The following CNPY4 variants were observed in gnomAD, a reference collection of about 807,000 sequenced individuals.
CNPY4 encodes the protein canopy FGF signaling regulator 4.
CNPY4 carries 33 observed loss-of-function variants against 30.1 expected under a neutral mutation model. That is an observed-to-expected ratio of 1.10 (90% CI 0.83 to 1.46). The LOEUF (loss-of-function observed/expected upper bound fraction) is 1.46. CNPY4 is among the 40% of genes most tolerant of loss of function. The pLI is 0.00. For synonymous variants in CNPY4, 109 were observed against 110.1 expected (o/e 0.99, Z 0.06); for missense variants, 324 against 302.6 (o/e 1.07, Z -0.52).
At chr7:100,120,702 C>A (rs889975302) in intron 1 of CNPY4, among the ~76,000 whole-genome samples, 9 of 152,110 alleles carry the variant, frequency 5.9e-5, no homozygotes, top group Admixed American at 5.9e-4. Context: ...TTGTATCAGT[C>A]CTTGCTTTAA....
Position 100,119,686 on chromosome 7 carries a change from C to G in CNPY4, c.-59C>G, listed in dbSNP as rs1473969713. The G allele has an allele frequency of 7.4e-6, 12 of 1,613,348 alleles. No individual in the cohort carries two copies. Among genetic ancestry groups the G allele is most frequent in the Non-Finnish European group, 1.0e-5 (12 of 1,179,752 alleles). Reference sequence around the variant, plus strand: ...CTAGCCGCCTGGGAATTTAAGGGACCCACACTACCTTCCCGAAGTTGAAGG... The same window carrying G: ...CTAGCCGCCTGGGAATTTAAGGGACGCACACTACCTTCCCGAAGTTGAAGG... On this transcript the variant is annotated 5_prime_UTR_variant, in exon 1 of 6. Coordinates refer to ENST00000262932, the MANE Select transcript of CNPY4 (RefSeq NM_152755.2).
intron 1 of CNPY4, among the ~76,000 whole-genome samples, chr7:100,121,655 G>A (rs1320441203): frequency 1.3e-5 from 2 of 151,104 alleles, no homozygotes; most frequent in African/African-American, 2.4e-5. Flanking sequence ...ATGTGGGCCA[G>A]GCTGGTCTTG....
rs1282114989 is a variant in CNPY4 at position 100,125,067 on chromosome 7, G to C, written c.*179G>C. 1.4e-5 allele frequency: 9 copies of C among 661,178 alleles called. No homozygotes were observed. The African/African-American group carries it at 1.6e-4, about 12-fold the overall frequency. The allele number at this position is 661,178 out of a possible 1,614,324, so 41.0% of individuals were successfully genotyped here. A position where few individuals can be genotyped will look rare whatever the true frequency, so the allele number is the denominator to read the frequency against. On this transcript the variant is annotated 3_prime_UTR_variant, in exon 6 of 6. Coordinates refer to ENST00000262932, the MANE Select transcript of CNPY4 (RefSeq NM_152755.2). ...GTGAAACAGCATGACATGGCTTCTG[G>C]GGTGGAGGGTGGGGGTGGAGGTCCT... is the stretch of plus-strand genomic sequence containing the variant.
At position 100,125,438 on chromosome 7, in the gene CNPY4, G is replaced by A. The variant is rs1195951045; in HGVS notation, c.*550G>A. The A allele has an allele frequency of 6.5e-6, 1 of 152,952 alleles. No individual in the cohort carries two copies. Among genetic ancestry groups the A allele is most frequent in the Admixed American group, 6.5e-5 (1 of 15,362 alleles). 9.5% of individuals were successfully genotyped at this position (152,952 alleles called of 1,614,324 possible). On this transcript the variant is annotated 3_prime_UTR_variant, in exon 6 of 6. Coordinates refer to ENST00000262932, the MANE Select transcript of CNPY4 (RefSeq NM_152755.2). ...CTACTTAAGCTCAATGTAACCCAGA[G>A]CCCACCATATAGTTTTATAGGTGCT...
At position 100,125,058 on chromosome 7, in the gene CNPY4, T is replaced by G. The variant is rs1479765641; in HGVS notation, c.*170T>G. On this transcript the variant is annotated 3_prime_UTR_variant, in exon 6 of 6. Transcript: ENST00000262932. ...AAGATCCTGGTGAAACAGCATGACA[T>G]GGCTTCTGGGGTGGAGGGTGGGGGT... 1.4e-5 allele frequency: 10 copies of G among 697,792 alleles called. No individual in the cohort carries two copies. Among genetic ancestry groups the G allele is most frequent in the African/African-American group, 5.4e-5 (3 of 55,688 alleles). 43.2% of individuals were successfully genotyped at this position (697,792 alleles called of 1,614,324 possible).
chr7:100,120,668 T>C (rs1396142725), intron 1 of CNPY4, among the ~76,000 whole-genome samples: 1 of 152,218 alleles, frequency 6.6e-6, no homozygotes, highest in Non-Finnish European at 1.5e-5. Flanking sequence ...CTGTCAATCT[T>C]TTTAAACAGA....
At chr7:100,122,077 C>A in intron 1 of CNPY4, 182 bp from the exon 2 acceptor site, 1 of 542,548 alleles carries the variant, frequency 1.8e-6, no homozygotes, top group Non-Finnish European at 3.1e-6. Context: ...GATGAAGAAA[C>A]CGAGGCACAG....
intron 1 of CNPY4, among the ~76,000 whole-genome samples, chr7:100,120,600 T>C (rs1205224385): frequency 6.6e-6 from 1 of 152,234 alleles, no homozygotes; most frequent in African/African-American, 2.4e-5. Flanking sequence ...GACAGTCTCA[T>C]GACTTGGTCC....
intron 1 of CNPY4, chr7:100,121,110 A>ATTTTTTTTTTTTTTTTTTTT (rs1798036782): frequency 7.0e-5 from 2 of 28,398 alleles, no homozygotes; most frequent in African/African-American, 1.4e-4. Flanking sequence ...ATATATATAT[A>ATTTTTTTTTTTTTTTTTTTT]TATATATTTT....
At position 100,122,727 on chromosome 7, in the gene CNPY4, G is replaced by T. The variant is rs1350543875; in HGVS notation, c.343-57G>T. On this transcript the variant is annotated intron_variant, in intron 3 of 5. Transcript: ENST00000262932. ...GTTGACAAAACTGAAATGGCAGAAAGGGGAAGGGAGGGGTGGGGTGGTGAG... is the reference window on the plus strand; with the variant it reads ...GTTGACAAAACTGAAATGGCAGAAATGGGAAGGGAGGGGTGGGGTGGTGAG... 1.0e-5 allele frequency: 16 copies of T among 1,577,658 alleles called. No individual in the cohort carries two copies. The East Asian group carries it at 3.6e-4, about 35-fold the overall frequency.
At chr7:100,123,954 C>T (rs1187144724) in intron 4 of CNPY4, among the ~76,000 whole-genome samples, 1 of 152,048 alleles carries the variant, frequency 6.6e-6, no homozygotes, top group Non-Finnish European at 1.5e-5. Flanking sequence ...CATAGTGAAA[C>T]CCTGTCTCTA....
intron 4 of CNPY4, 56 bp from the exon 5 acceptor site, chr7:100,124,458 G>A: frequency 2.9e-6 from 4 of 1,383,248 alleles, no homozygotes; most frequent in Non-Finnish European, 4.1e-6. Context: ...GAGAAGACAG[G>A]CGGGATCCCA....
intron 1 of CNPY4, chr7:100,121,404 T>G (rs1798065966): frequency 6.6e-6 from 1 of 151,626 alleles, no homozygotes; most frequent in East Asian, 1.9e-4. Flanking sequence ...CCCAAAGTGT[T>G]GGGATTACAG....
chr7:100,121,830 C>G (rs1014180935), intron 1 of CNPY4, among the ~76,000 whole-genome samples: 1 of 151,224 alleles, frequency 6.6e-6, no homozygotes, highest in African/African-American at 2.4e-5. Flanking sequence ...GCGGGCGGAT[C>G]ACAAGGTCAG....
chr7:100,121,927 G>C (rs1798085020), intron 1 of CNPY4: 1 of 235,426 alleles, frequency 4.2e-6, no homozygotes, highest in Non-Finnish European at 8.5e-6. Context: ...GTGGGTGCCT[G>C]TAGTCCCAGC....
At position 100,122,476 on chromosome 7, in the gene CNPY4, CACAG is replaced by C. The variant is rs777658620; in HGVS notation, c.246-3_246del. On this transcript the variant is annotated splice_acceptor_variant and splice_polypyrimidine_tract_variant and intron_variant, in intron 2 of 5. Coordinates refer to ENST00000262932, the MANE Select transcript of CNPY4 (RefSeq NM_152755.2). LOFTEE classifies it high-confidence loss of function. ...AGGGAATCTTTGTTTCCTCTCTTTCCACAGAGAGACAAGGCTGGAAGAGGCCTTA... is the reference window on the plus strand; with the variant it reads ...AGGGAATCTTTGTTTCCTCTCTTTCCAGAGACAAGGCTGGAAGAGGCCTTA... 1 of 1,613,834 alleles carries C rather than the reference CACAG, an allele frequency of 6.2e-7. No individual in the cohort carries two copies. Among genetic ancestry groups the C allele is most frequent in the East Asian group, 2.2e-5 (1 of 44,880 alleles).
Position 100,119,853 on chromosome 7 carries a change from A to G in CNPY4, c.109A>G (p.Lys37Glu), listed in dbSNP as rs769762903. Residue 37 changes from lysine (K) to glutamate (E), a missense_variant, in exon 1 of 6, where the codon AAA (lysine) becomes GAA (glutamate). Coordinates refer to ENST00000262932, the MANE Select transcript of CNPY4 (RefSeq NM_152755.2). ...EDDDTERLPS[K>E]CEVCKLLSTE... is the part of the protein sequence containing the mutation. Reference sequence around the variant, plus strand: ...CGATGACACAGAACGCTTGCCCAGCAAATGCGAAGGTATTTGAAGGGGGTA... The same window carrying G: ...CGATGACACAGAACGCTTGCCCAGCGAATGCGAAGGTATTTGAAGGGGGTA... 29 of 1,611,898 alleles carry G rather than the reference A, an allele frequency of 1.8e-5. No individual in the cohort carries two copies. The highest frequency in any genetic ancestry group is 3.4e-5 in the Admixed American group (2 of 59,118).
Position 100,122,539 on chromosome 7 carries a change from G to A in CNPY4, c.304G>A (p.Val102Ile), listed in dbSNP as rs911800773. 2.5e-6 allele frequency: 4 copies of A among 1,613,670 alleles called. No individual in the cohort carries two copies. Among genetic ancestry groups the A allele is most frequent in the South Asian group, 2.2e-5 (2 of 91,038 alleles). ...NLCERILDYS[V>I]HAERKGSLRY... ...ATGTGAGCGGATCCTGGACTATAGTGTTCACGCTGAGCGCAAGGGCTCACT... is the reference window on the plus strand; with the variant it reads ...ATGTGAGCGGATCCTGGACTATAGTATTCACGCTGAGCGCAAGGGCTCACT... The change falls in exon 3 of 6, where the codon GTT (valine) becomes ATT (isoleucine). Residue 102 changes from valine (V) to isoleucine (I), a missense_variant. Val to Ile is a conservative substitution (Grantham distance 29). Transcript: ENST00000262932.
chr7:100,123,127 AG>A (rs1798117496), intron 4 of CNPY4, among the ~76,000 whole-genome samples: 1 of 152,112 alleles, frequency 6.6e-6, no homozygotes, highest in Non-Finnish European at 1.5e-5. Flanking sequence ...GGATCACCTG[AG>A]GTCATAAGTT....
Sources: gnomAD v4.1 joint callset for allele counts (sites outside exome capture counted in the v4.1 genomes callset) on GRCh38, gnomAD v4.1.1 for gene constraint, MANE v1.5 for transcripts, NCBI Gene and HGNC (gene_info 2026-07-23, HGNC 2026-07-21) for gene names.